The following CDC5L variants were observed in gnomAD, a reference collection of about 807,000 sequenced individuals.
CDC5L encodes cell division cycle 5-like protein.
In CDC5L, 18 loss-of-function variants were observed where a neutral mutation model predicts 104.1. That is an observed-to-expected ratio of 0.17 (90% CI 0.12 to 0.26). The LOEUF (loss-of-function observed/expected upper bound fraction) is 0.26. CDC5L is among the 10% of genes least tolerant of loss of function. CDC5L has a pLI of 1.00. For missense variants in CDC5L, 673 were observed against 956.9 expected (o/e 0.70, Z 3.91); for synonymous variants, 331 against 322.7 (o/e 1.03, Z -0.28).
rs113206489 is a variant in CDC5L, at chr6:44,412,643, A to G, written c.1092+4011A>G. 6.2e-3 allele frequency among the ~76,000 whole-genome samples: 946 copies of G among 152,014 alleles called. 2 individuals carry two copies. Among genetic ancestry groups the G allele is most frequent in the African/African-American group, 0.021 (884 of 41,456 alleles). On this transcript the variant is annotated intron_variant, in intron 8 of 15. Coordinates refer to ENST00000371477, the MANE Select transcript of CDC5L (RefSeq NM_001253.4). Reference sequence around the variant, plus strand: ...TGGGAAAAAATTACATTATAGGACAATATAAGGGACATTTAATGGAACTCC... The same window carrying G: ...TGGGAAAAAATTACATTATAGGACAGTATAAGGGACATTTAATGGAACTCC...
chr6:44,434,812 C>T (rs1454216961), intron 14 of CDC5L, among the ~76,000 whole-genome samples: 2 of 152,150 alleles, frequency 1.3e-5, no homozygotes, highest in African/African-American at 4.8e-5. Context: ...TCATAAGTCC[C>T]ATACAGCTCC....
intron 4 of CDC5L, 44 bp downstream of exon 4, chr6:44,393,617 A>C: frequency 6.3e-7 from 1 of 1,580,088 alleles, no homozygotes; most frequent in Non-Finnish European, 8.6e-7. Context: ...GTAACTGTAA[A>C]CTCCTTGGGC....
chr6:44,428,713 A>T (rs1422728791), intron 13 of CDC5L, among the ~76,000 whole-genome samples: 1 of 152,110 alleles, frequency 6.6e-6, no homozygotes, highest in African/African-American at 2.4e-5. Flanking sequence ...TTTCCCTCTC[A>T]TTCTGTCATT....
intron 15 of CDC5L, 68 bp downstream of exon 15, chr6:44,445,935 T>A (rs1160763153): frequency 3.4e-6 from 4 of 1,192,966 alleles, no homozygotes; most frequent in Non-Finnish European, 3.7e-6. Context: ...TGTCCTCTTT[T>A]ACTTCTCCTA....
At chr6:44,438,649 G>A (rs1793044014) in intron 14 of CDC5L, among the ~76,000 whole-genome samples, 1 of 145,744 alleles carries the variant, frequency 6.9e-6, no homozygotes, top group Admixed American at 6.8e-5. Flanking sequence ...TAAAATTTAT[G>A]TGGTGGAAGT....
At chr6:44,437,855 TA>T (rs1054979597) in intron 14 of CDC5L, among the ~76,000 whole-genome samples, 1 of 152,264 alleles carries the variant, frequency 6.6e-6, no homozygotes, top group African/African-American at 2.4e-5. Context: ...TTATATGTAT[TA>T]ATTTGAAATT....
At chr6:44,418,465 A>G (rs1458610881) in intron 8 of CDC5L, among the ~76,000 whole-genome samples, 1 of 152,204 alleles carries the variant, frequency 6.6e-6, no homozygotes. Context: ...ATACGTGTGC[A>G]TGTGTCTTTA....
At chr6:44,404,081 C>T (rs539635801) in intron 6 of CDC5L, 54 bp downstream of exon 6, 23 of 1,257,062 alleles carry the variant, frequency 1.8e-5, no homozygotes, top group Middle Eastern at 3.8e-4. Context: ...AGGAGTCTTA[C>T]GAAGGGCCAA....
chr6:44,408,688 A>C (rs1791490794), intron 8 of CDC5L, 56 bp downstream of exon 8: 1 of 1,320,360 alleles, frequency 7.6e-7, no homozygotes, highest in East Asian at 2.4e-5. Context: ...CCTTAGAAGT[A>C]TCATGCAGGA....
At chr6:44,399,292 A>G (rs1441109097) in intron 5 of CDC5L, among the ~76,000 whole-genome samples, 1 of 152,158 alleles carries the variant, frequency 6.6e-6, no homozygotes, top group Non-Finnish European at 1.5e-5. Context: ...TTGGCTTTCA[A>G]CATTTTTAAT....
rs1047894709 is a variant in CDC5L at position 44,429,779 on chromosome 6, A to G, written c.1960A>G (p.Ser654Gly). The change falls in exon 14 of 16, where the codon AGT (serine) becomes GGT (glycine). Residue 654 changes from serine to glycine, a missense_variant. By Grantham distance (56) the Ser-to-Gly change is moderately conservative. Around this residue, in one of 4 missense-constraint regions of CDC5L, gnomAD observed 578 missense variants for 737.0 expected, o/e 0.78. Transcript: ENST00000371477. The part of the protein sequence containing the change: ...KQGMSHGELS[S>G]EAYNQVWEEC... Reference sequence around the variant, plus strand: ...AGGAATGAGCCATGGAGAGCTCTCAAGTGAAGCTTATAACCAGGTGTGGGA... The same window carrying G: ...AGGAATGAGCCATGGAGAGCTCTCAGGTGAAGCTTATAACCAGGTGTGGGA... The G allele has an allele frequency of 1.2e-5, 20 of 1,614,036 alleles. No homozygotes were observed. The highest frequency in any genetic ancestry group is 1.7e-5 in the Non-Finnish European group (20 of 1,179,984).
chr6:44,407,330 CTTT>C (rs869258034), intron 7 of CDC5L, among the ~76,000 whole-genome samples: 3 of 141,882 alleles, frequency 2.1e-5, no homozygotes, highest in Non-Finnish European at 3.1e-5. Flanking sequence ...TTAGGGTAAC[CTTT>C]TTTTTTTTTT....
chr6:44,434,550 T>G (rs765683001), intron 14 of CDC5L, among the ~76,000 whole-genome samples: 16 of 152,210 alleles, frequency 1.1e-4, no homozygotes, highest in Non-Finnish European at 2.1e-4. Context: ...ATTGATGGAC[T>G]GGGAAGTGGA....
chr6:44,392,613 T>C, intron 2 of CDC5L, 54 bp from the exon 3 acceptor site: 28 of 1,517,978 alleles, frequency 1.8e-5, no homozygotes, highest in Non-Finnish European at 2.4e-5. Flanking sequence ...TTGTGCAAAT[T>C]GGATATTTAT....
chr6:44,397,265 G>A (rs1021146539), intron 5 of CDC5L, among the ~76,000 whole-genome samples: 2 of 152,154 alleles, frequency 1.3e-5, no homozygotes, highest in African/African-American at 4.8e-5. Flanking sequence ...TGTTGGAAAC[G>A]GATGAAGACC....
At position 44,429,738 on chromosome 6, in the gene CDC5L, T is replaced by C. The variant is rs1465903313; in HGVS notation, c.1919T>C (p.Met640Thr). Residue 640 changes from methionine to threonine, a missense_variant, in exon 14 of 16, where the codon ATG (methionine) becomes ACG (threonine). Met to Thr is a moderately conservative substitution (Grantham distance 81). Coordinates refer to ENST00000371477, the MANE Select transcript of CDC5L (RefSeq NM_001253.4). Reference protein sequence around the residue: ...KKAQDVLVQEMEVVKQGMSHG... With the variant: ...KKAQDVLVQETEVVKQGMSHG... The stretch of plus-strand genomic sequence containing the variant: ...GCCCAGGATGTTTTGGTGCAGGAGA[T>C]GGAAGTGGTTAAACAAGGAATGAGC... 1 of 1,613,784 alleles carries C rather than the reference T, an allele frequency of 6.2e-7. No individual in the cohort carries two copies. The highest frequency in any genetic ancestry group is 1.7e-5 in the Admixed American group (1 of 59,992).
intron 1 of CDC5L, among the ~76,000 whole-genome samples, chr6:44,389,293 A>AG: frequency 6.6e-6 from 1 of 152,298 alleles, no homozygotes; most frequent in East Asian, 1.9e-4. Flanking sequence ...ATGACTTCTG[A>AG]GGGAGAGACA....
intron 14 of CDC5L, among the ~76,000 whole-genome samples, chr6:44,444,605 C>T (rs1793361600): frequency 6.6e-6 from 1 of 152,088 alleles, no homozygotes. Context: ...GAAGAGTATG[C>T]AGTTATAAAC....
At chr6:44,408,387 C>A in intron 7 of CDC5L, 57 bp from the exon 8 acceptor site, 1 of 1,354,176 alleles carries the variant, frequency 7.4e-7, no homozygotes, top group Non-Finnish European at 1.0e-6. Context: ...CAAGTGTGAG[C>A]CACTGTGCCC....
Sources: gnomAD v4.1 joint callset for allele counts (sites outside exome capture counted in the v4.1 genomes callset) on GRCh38, gnomAD v4.1.1 for gene constraint, gnomAD v4.1.1 regional missense constraint, MANE v1.5 for transcripts, NCBI Gene and HGNC (gene_info 2026-07-23, HGNC 2026-07-21) for gene names.